VWA3B: variants seen among roughly 807,000 people sequenced by gnomAD.
The protein encoded by VWA3B is von Willebrand factor A domain containing 3B, also known as von Willebrand factor A domain-containing protein 3B.
VWA3B carries 138 observed loss-of-function variants against 158.3 expected under a neutral mutation model. That is an observed-to-expected ratio of 0.87 (90% confidence interval 0.76 to 1.00). The LOEUF is 1.00. Among genes scored for constraint, VWA3B ranks in the 50% least tolerant of loss-of-function variants. The pLI, the probability that VWA3B is intolerant of heterozygous loss-of-function variation, is 0.00. For missense variants in VWA3B, 1,555 were observed against 1,565.1 expected (o/e 0.99, Z 0.11); for synonymous variants, 596 against 587.3 (o/e 1.01, Z -0.21).
chr2:98,286,507 G>T (rs1689173449), intron 22 of VWA3B, among the ~76,000 whole-genome samples: 1 of 151,974 alleles, frequency 6.6e-6, no homozygotes, highest in Non-Finnish European at 1.5e-5. Context: ...CTTTCTCCTT[G>T]CATTGAAATA....
chr2:98,103,514 T>C (rs1683228120), intron 2 of VWA3B, among the ~76,000 whole-genome samples: 1 of 152,190 alleles, frequency 6.6e-6, no homozygotes, highest in African/African-American at 2.4e-5. Flanking sequence ...GTTTTTCCCT[T>C]GTGATTTTTT....
intron 7 of VWA3B, among the ~76,000 whole-genome samples, chr2:98,143,353 A>G (rs1271066185): frequency 1.3e-5 from 2 of 152,158 alleles, no homozygotes; most frequent in African/African-American, 2.4e-5. Context: ...TATATCAAGT[A>G]TATTAATAAA....
intron 11 of VWA3B, 62 bp downstream of exon 11, chr2:98,193,098 G>T: frequency 4.6e-6 from 7 of 1,525,828 alleles, no homozygotes; most frequent in South Asian, 2.6e-5. Flanking sequence ...TATGAGCAGT[G>T]GATAGGGGCT....
At chr2:98,245,804 A>G (rs1486850847) in intron 19 of VWA3B, among the ~76,000 whole-genome samples, 3 of 152,112 alleles carry the variant, frequency 2.0e-5, no homozygotes, top group Non-Finnish European at 2.9e-5. Context: ...TTTTGTTGAG[A>G]CTGATCCTTT....
chr2:98,253,413 G>C (rs545068526), intron 20 of VWA3B, among the ~76,000 whole-genome samples: 1 of 152,174 alleles, frequency 6.6e-6, no homozygotes, highest in Non-Finnish European at 1.5e-5. Context: ...GCCCATGCAT[G>C]GGAGTCCTTT....
chr2:98,314,267 C>T (rs574929024), downstream of VWA3B, among the ~76,000 whole-genome samples: 13 of 152,278 alleles, frequency 8.5e-5, no homozygotes, highest in East Asian at 2.3e-3. Context: ...AGAGAAAGCT[C>T]GCTGGAGACC....
intron 22 of VWA3B, among the ~76,000 whole-genome samples, chr2:98,289,539 G>A (rs527736402): frequency 1.3e-5 from 2 of 152,326 alleles, no homozygotes; most frequent in African/African-American, 4.8e-5. Context: ...GGAGATATAA[G>A]GAATGAGGAT....
chr2:98,218,218 C>T (rs1346351857), intron 14 of VWA3B, among the ~76,000 whole-genome samples, 190 bp downstream of exon 14: 1 of 152,136 alleles, frequency 6.6e-6, no homozygotes, highest in African/African-American at 2.4e-5. Flanking sequence ...AGCTAGGGCA[C>T]CTGAGCAGAT....
At chr2:98,201,485 G>T (rs1682543055) in intron 12 of VWA3B, among the ~76,000 whole-genome samples, 1 of 152,012 alleles carries the variant, frequency 6.6e-6, no homozygotes, top group Admixed American at 6.6e-5. Flanking sequence ...TCTTTCTCTT[G>T]CCTTAATGCA....
intron 10 of VWA3B, among the ~76,000 whole-genome samples, chr2:98,188,657 T>C (rs1260324978): frequency 6.6e-6 from 1 of 152,236 alleles, no homozygotes; most frequent in Non-Finnish European, 1.5e-5. Flanking sequence ...TCCATGCTGC[T>C]GCGAATGACA....
intron 2 of VWA3B, among the ~76,000 whole-genome samples, chr2:98,101,151 A>T (rs1683051563): frequency 6.6e-6 from 1 of 152,180 alleles, no homozygotes; most frequent in South Asian, 2.1e-4. Flanking sequence ...TTTCAGGGAA[A>T]ATGTACTGTT....
At chr2:98,142,169 TA>T (rs906203057) in intron 7 of VWA3B, among the ~76,000 whole-genome samples, 12 of 152,062 alleles carry the variant, frequency 7.9e-5, no homozygotes, top group African/African-American at 2.9e-4. Flanking sequence ...AATCACACCA[TA>T]AATACCCCTT....
At chr2:98,278,897 G>A (rs908453201) in intron 22 of VWA3B, among the ~76,000 whole-genome samples, 8 of 152,166 alleles carry the variant, frequency 5.3e-5, no homozygotes, top group Admixed American at 3.3e-4. Flanking sequence ...CCATATCAGT[G>A]GGCAGGAAGT....
At chr2:98,188,872 G>A (rs1209496589) in intron 10 of VWA3B, among the ~76,000 whole-genome samples, 2 of 152,320 alleles carry the variant, frequency 1.3e-5, no homozygotes, top group South Asian at 4.1e-4. Context: ...ATTGAAAACA[G>A]CAAGCCAACG....
At chr2:98,233,751 T>A (rs750213750) in intron 16 of VWA3B, among the ~76,000 whole-genome samples, 20 of 152,222 alleles carry the variant, frequency 1.3e-4, no homozygotes, top group Non-Finnish European at 4.4e-5. Flanking sequence ...CTATCTAATT[T>A]CTTGTAGGAG....
chr2:98,329,682 T>C, the VWA3B span, among the ~76,000 whole-genome samples: 47 of 152,242 alleles, frequency 3.1e-4, 1 homozygote, highest in East Asian at 8.1e-3. Flanking sequence ...TTCTAGGTAT[T>C]GTGAAGGTAT....
chr2:98,257,851 T>G (rs1687250906), intron 21 of VWA3B, among the ~76,000 whole-genome samples: 1 of 152,022 alleles, frequency 6.6e-6, no homozygotes, highest in Non-Finnish European at 1.5e-5. Context: ...GTCCAAAAGT[T>G]TTTAAGTTTT....
At chr2:98,115,476 C>A (rs1674458332) in intron 2 of VWA3B, among the ~76,000 whole-genome samples, 176 bp from the exon 3 acceptor site, 1 of 152,150 alleles carries the variant, frequency 6.6e-6, no homozygotes, top group African/African-American at 2.4e-5. Context: ...TAGACAGTTA[C>A]ATTTATCACA....
intron 12 of VWA3B, among the ~76,000 whole-genome samples, chr2:98,204,243 C>T (rs1682817736): frequency 1.3e-5 from 2 of 152,234 alleles, no homozygotes; most frequent in African/African-American, 2.4e-5. Flanking sequence ...TTTCCAACCT[C>T]TATGACTTAT....
Sources: allele counts gnomAD v4.1 joint callset (sites outside exome capture counted in the v4.1 genomes callset), GRCh38; gene constraint gnomAD v4.1.1; transcripts MANE v1.5; gene names NCBI Gene and HGNC (gene_info 2026-07-23, HGNC 2026-07-21).